The following ATAD3C variants were observed in gnomAD, a reference collection of about 807,000 sequenced individuals.
ATAD3C encodes the protein ATPase family AAA domain containing 3C.
ATAD3C carries 38 observed loss-of-function variants against 46.3 expected under a neutral mutation model. The ratio of observed to expected loss-of-function variants is 0.82; its 90% CI spans 0.63 to 1.08. ATAD3C has a LOEUF of 1.08. Among genes scored for constraint, ATAD3C ranks in the 50% least tolerant of loss-of-function variants. The pLI is 0.00. For missense variants in ATAD3C, 563 were observed against 572.7 expected, an observed-to-expected ratio of 0.98 and a Z score of 0.17; for synonymous variants, 220 against 236.4, an observed-to-expected ratio of 0.93 and a Z score of 0.63.
intron 3 of ATAD3C, among the ~76,000 whole-genome samples, chr1:1,454,141 A>G (rs1180850145): frequency 6.6e-6 from 1 of 152,000 alleles, no homozygotes; most frequent in Non-Finnish European, 1.5e-5. Flanking sequence ...GCCCTGAGTG[A>G]GGGCGCTGTG....
At chr1:1,467,871 C>T (rs1430722219) in intron 11 of ATAD3C, among the ~76,000 whole-genome samples, 2 of 152,084 alleles carry the variant, frequency 1.3e-5, no homozygotes. Flanking sequence ...CAGCTCCAGC[C>T]TTCACATGCT....
chr1:1,466,959 C>T (rs1639154771), intron 11 of ATAD3C, among the ~76,000 whole-genome samples: 1 of 152,018 alleles, frequency 6.6e-6, no homozygotes, highest in African/African-American at 2.4e-5. Context: ...TGTGAATTCA[C>T]ATGTGAAGAC....
chr1:1,457,095 C>T (rs781678489), intron 7 of ATAD3C, 34 bp from the exon 8 acceptor site: 11 of 1,612,488 alleles, frequency 6.8e-6, no homozygotes, highest in African/African-American at 6.7e-5. Flanking sequence ...CCTGGCATCA[C>T]TCTCACCCAG....
In ATAD3C at chr1:1,459,925, C is replaced by T. The variant is rs780720443; in HGVS notation, c.812+694C>T. Among the ~76,000 whole-genome samples the T allele has an allele frequency of 8.6e-5, 13 of 152,008 alleles. No homozygotes were observed. Among genetic ancestry groups the T allele is most frequent in the Non-Finnish European group, 1.6e-4 (11 of 67,964 alleles). ...TCGGCCGTGGCTGACTCCTCAGGCACGTTGGGCTCCTGGGTCAGCTGCTGC... is the reference window on the plus strand; with the variant it reads ...TCGGCCGTGGCTGACTCCTCAGGCATGTTGGGCTCCTGGGTCAGCTGCTGC... On this transcript the variant is annotated intron_variant, in intron 9 of 11. Coordinates refer to ENST00000378785, the MANE Select transcript of ATAD3C (RefSeq NM_001039211.3). The surrounding 1 kb of genome is among the most constrained non-coding windows in gnomAD (Gnocchi z 4.9).
At position 1,457,186 on chromosome 1, in the gene ATAD3C, T is replaced by C. The variant is rs780066030; in HGVS notation, c.741+6T>C. 6.2e-7 allele frequency: 1 copy of C among 1,613,440 alleles called. No homozygotes were observed. Among genetic ancestry groups the C allele is most frequent in the Non-Finnish European group, 8.5e-7 (1 of 1,179,616 alleles). ...TCCTTCGGAAGCGAGCCACTGTGAGTGTCACTAAGCCTCTGTCTGGCCACA... is the reference window on the plus strand; with the variant it reads ...TCCTTCGGAAGCGAGCCACTGTGAGCGTCACTAAGCCTCTGTCTGGCCACA... On this transcript the variant is annotated splice_donor_region_variant and intron_variant, in intron 8 of 11. Transcript: ENST00000378785.
chr1:1,460,837 G>T lies in ATAD3C; in HGVS notation c.900G>T (p.Leu300=), dbSNP rs1295988915. ...ACIDVMVHFD[L]PGQEERARLV... is the part of the protein sequence containing the mutation. The stretch of plus-strand genomic sequence containing the variant: ...TCGACGTGATGGTCCACTTCGACCT[G>T]CCAGGGCAGGAGGAGCGGGCGCGCC... The change falls in exon 10 of 12, where the codon CTG becomes CTT. Residue 300 remains leucine (L), a synonymous_variant. Coordinates refer to ENST00000378785, the MANE Select transcript of ATAD3C (RefSeq NM_001039211.3). 1 of 1,612,982 alleles carries T rather than the reference G, an allele frequency of 6.2e-7. No homozygotes were observed. Among genetic ancestry groups the T allele is most frequent in the Admixed American group, 1.7e-5 (1 of 59,930 alleles).
chr1:1,455,478 C>G lies in ATAD3C; in HGVS notation c.397C>G (p.Leu133Val), dbSNP rs2100477317. 1 of 1,612,626 alleles carries G rather than the reference C, an allele frequency of 6.2e-7. No homozygotes were observed. Among genetic ancestry groups the G allele is most frequent in the South Asian group, 1.1e-5 (1 of 90,936 alleles). ...CCTCCAGCAGGTCAGCCGGCGGCTC[C>G]TCAGTCGACCCCAGGACGTGCTGGA... ...HPIQQVSRRL[L>V]SRPQDVLEGV... Residue 133 changes from leucine (L) to valine (V), a missense_variant, in exon 5 of 12, where the codon CTC becomes GTC. By Grantham distance (32) the Leu-to-Val change is conservative. Coordinates refer to ENST00000378785, the MANE Select transcript of ATAD3C (RefSeq NM_001039211.3).
At position 1,460,871 on chromosome 1, in the gene ATAD3C, A is replaced by G; in HGVS notation, c.934A>G (p.Met312Val). Residue 312 changes from methionine to valine, a missense_variant, in exon 10 of 12, where the codon ATG becomes GTG. This residue lies in a region of ATAD3C where 273 missense variants were observed against 253.5 expected (regional missense o/e 1.08). Transcript: ENST00000378785. Reference protein sequence around the residue: ...GQEERARLVRMYLNEYVLKPA... With the variant: ...GQEERARLVRVYLNEYVLKPA... ...GGAGGAGCGGGCGCGCCTGGTGAGA[A>G]TGTATCTTAACGAGTATGTTCTTAA... 1 of 1,612,908 alleles carries G rather than the reference A, an allele frequency of 6.2e-7. No homozygotes were observed. Among genetic ancestry groups the G allele is most frequent in the East Asian group, 2.2e-5 (1 of 44,826 alleles).
At chr1:1,468,301 C>T in intron 11 of ATAD3C, 83 bp from the exon 12 acceptor site, 1 of 1,506,732 alleles carries the variant, frequency 6.6e-7, no homozygotes, top group Non-Finnish European at 8.9e-7. Context: ...TGGTTTGGTC[C>T]CTCCCCACCT....
Position 1,468,591 on chromosome 1 carries a change from G to T in ATAD3C, c.*61G>T, listed in dbSNP as rs747187360. The stretch of plus-strand genomic sequence containing the variant: ...GCGGACCCCTCCCACCCCTGCCTTT[G>T]CGGCCCCGCACATTTAGGAAATACT... On this transcript the variant is annotated 3_prime_UTR_variant, in exon 12 of 12. Coordinates refer to ENST00000378785, the MANE Select transcript of ATAD3C (RefSeq NM_001039211.3). 10 of 1,562,356 alleles carry T rather than the reference G, an allele frequency of 6.4e-6. No individual in the cohort carries two copies. The African/African-American group carries it at 1.3e-4, about 21-fold the overall frequency.
intron 11 of ATAD3C, among the ~76,000 whole-genome samples, chr1:1,467,574 G>A (rs1639165192): frequency 6.6e-6 from 1 of 152,036 alleles, no homozygotes; most frequent in Non-Finnish European, 1.5e-5. Flanking sequence ...TGCTGCCCCT[G>A]CACCCCGTGA....
At chr1:1,457,002 G>C in intron 7 of ATAD3C, 127 bp from the exon 8 acceptor site, 1 of 1,320,960 alleles carries the variant, frequency 7.6e-7, no homozygotes, top group African/African-American at 1.4e-5. Context: ...AGGACTTAGG[G>C]CTCCGTGGGG....
At position 1,458,313 on chromosome 1, in the gene ATAD3C, C is replaced by T. The variant is rs183919301; in HGVS notation, c.742-848C>T. 2.9e-3 allele frequency among the ~76,000 whole-genome samples: 443 copies of T among 151,754 alleles called. 11 individuals carry two copies. The highest frequency in any genetic ancestry group is 5.4e-3 in the Admixed American group (82 of 15,202). On this transcript the variant is annotated intron_variant, in intron 8 of 11. Coordinates refer to ENST00000378785, the MANE Select transcript of ATAD3C (RefSeq NM_001039211.3). Reference sequence around the variant, plus strand: ...TATTATTTTAAGACAGGGTCTCTGTCGCCCAGGCTGGAGTGCAATGGCGCG... The same window carrying T: ...TATTATTTTAAGACAGGGTCTCTGTTGCCCAGGCTGGAGTGCAATGGCGCG...
rs558457491 is a variant in ATAD3C at position 1,459,197 on chromosome 1, G to A, written c.778G>A (p.Ala260Thr). Reference protein sequence around the residue: ...ISEDLRATLNAFLYRTGQHSN... With the variant: ...ISEDLRATLNTFLYRTGQHSN... ...CGAGGACCTCAGGGCCACACTGAAC[G>A]CCTTCCTGTACCGCACGGGCCAGCA... The change falls in exon 9 of 12, where the codon GCC becomes ACC. Residue 260 changes from alanine (A) to threonine (T), a missense_variant. This residue lies in a region of ATAD3C where 273 missense variants were observed against 253.5 expected (regional missense o/e 1.08). Transcript: ENST00000378785. The surrounding 1 kb of genome is among the most constrained non-coding windows in gnomAD (Gnocchi z 4.9). The A allele has an allele frequency of 5.4e-5, 87 of 1,612,670 alleles. 1 individual carries two copies. In the Admixed American group the frequency reaches 7.8e-4, roughly 15 times the overall value.
rs769578210 is a variant in ATAD3C, at chr1:1,460,967, C to T, written c.980+50C>T. ...CCGTCCAGGGGCCCTCGCTCAGGGT[C>T]CACCCCTGCTCCTGTTCTCCGGACA... is the stretch of plus-strand genomic sequence containing the variant. On this transcript the variant is annotated intron_variant, in intron 10 of 11. Transcript: ENST00000378785. The T allele has an allele frequency of 6.4e-6, 10 of 1,552,220 alleles. No individual in the cohort carries two copies. The Admixed American group carries it at 1.3e-4, about 20-fold the overall frequency.
At chr1:1,453,734 G>A (rs989848631) in intron 3 of ATAD3C, among the ~76,000 whole-genome samples, 1 of 151,564 alleles carries the variant, frequency 6.6e-6, no homozygotes, top group Non-Finnish European at 1.5e-5. Context: ...CCGACTCGCG[G>A]GTTCAAGTGA....
Position 1,460,853 on chromosome 1 carries a change from C to A in ATAD3C, c.916C>A (p.Arg306=), listed in dbSNP as rs770242105. 4 of 1,612,968 alleles carry A rather than the reference C, an allele frequency of 2.5e-6. No homozygotes were observed. The highest frequency in any genetic ancestry group is 3.3e-5 in the Admixed American group (2 of 59,934). Reference sequence around the variant, plus strand: ...CTTCGACCTGCCAGGGCAGGAGGAGCGGGCGCGCCTGGTGAGAATGTATCT... The same window carrying A: ...CTTCGACCTGCCAGGGCAGGAGGAGAGGGCGCGCCTGGTGAGAATGTATCT... ...VHFDLPGQEE[R]ARLVRMYLNE... is the part of the protein sequence containing the mutation. The change falls in exon 10 of 12, where the codon CGG becomes AGG. Residue 306 remains arginine (R), a synonymous_variant. Transcript: ENST00000378785.
chr1:1,459,283 A>T lies in ATAD3C; in HGVS notation c.812+52A>T. 6.2e-7 allele frequency: 1 copy of T among 1,610,890 alleles called. No homozygotes were observed. The highest frequency in any genetic ancestry group is 8.5e-7 in the Non-Finnish European group (1 of 1,179,436). On this transcript the variant is annotated intron_variant, in intron 9 of 11. Transcript: ENST00000378785. The surrounding 1 kb of genome is among the most constrained non-coding windows in gnomAD (Gnocchi z 4.9). Reference sequence around the variant, plus strand: ...CCCCGGGCAGGGCTGTGCAGCCGTCACCCTTGGTTCCCACCGAGGGACCTG... The same window carrying T: ...CCCCGGGCAGGGCTGTGCAGCCGTCTCCCTTGGTTCCCACCGAGGGACCTG...
intron 8 of ATAD3C, among the ~76,000 whole-genome samples, chr1:1,458,762 G>A (rs1306414818): frequency 8.0e-5 from 12 of 149,846 alleles, no homozygotes; most frequent in African/African-American, 2.0e-4. Flanking sequence ...TCACTCTGTC[G>A]CCCATGCTGG....
Sources: allele counts gnomAD v4.1 joint callset (sites outside exome capture counted in the v4.1 genomes callset), GRCh38; gene constraint gnomAD v4.1.1; regional missense constraint gnomAD v4.1.1; non-coding constraint Gnocchi (gnomAD v3.1); transcripts MANE v1.5; gene names NCBI Gene and HGNC (gene_info 2026-07-23, HGNC 2026-07-21).